The following CCDC91 variants were observed in gnomAD, a reference collection of about 807,000 sequenced individuals.
The protein encoded by CCDC91 is coiled-coil domain containing 91, also known as coiled-coil domain-containing protein 91.
CCDC91 carries 48 observed loss-of-function variants against 63.2 expected under a neutral mutation model. The observed-to-expected ratio is 0.76, with a 90% CI of 0.60 to 0.97. The LOEUF is 0.97. Among genes scored for constraint, CCDC91 ranks in the 50% least tolerant of loss-of-function variants. The pLI is 0.00. For missense variants in CCDC91, 500 were observed against 494.6 expected, an observed-to-expected ratio of 1.01 and a Z score of -0.10; for synonymous variants, 167 against 165.8, an observed-to-expected ratio of 1.01 and a Z score of -0.06.
At chr12:28,227,564 A>C (rs1944349441) in intron 1 of CCDC91, among the ~76,000 whole-genome samples, 1 of 151,770 alleles carries the variant, frequency 6.6e-6, no homozygotes, top group South Asian at 2.1e-4. Context: ...ATTATTCTAC[A>C]CCTCATCTAC....
At chr12:28,469,286 T>C (rs1950694019) in intron 11 of CCDC91, among the ~76,000 whole-genome samples, 1 of 152,034 alleles carries the variant, frequency 6.6e-6, no homozygotes, top group African/African-American at 2.4e-5. Context: ...CATTTCTATA[T>C]GCTAAATGAA....
At chr12:28,372,177 A>G (rs1944661749) in intron 7 of CCDC91, among the ~76,000 whole-genome samples, 1 of 152,238 alleles carries the variant, frequency 6.6e-6, no homozygotes, top group East Asian at 1.9e-4. Context: ...TGGGTTCTCT[A>G]TTCTGTTACA....
chr12:28,251,277 C>T (rs1946101878), intron 1 of CCDC91, among the ~76,000 whole-genome samples: 1 of 151,794 alleles, frequency 6.6e-6, no homozygotes. Flanking sequence ...CTTTATTAGA[C>T]CTTTTTAGAA....
intron 1 of CCDC91, among the ~76,000 whole-genome samples, chr12:28,237,419 G>T (rs867470389): frequency 1.3e-5 from 2 of 152,130 alleles, no homozygotes; most frequent in Middle Eastern, 3.2e-3. Flanking sequence ...GATTATCTGT[G>T]CGGGTCCTAA....
rs187796304 is a variant in CCDC91 at position 28,248,115 on chromosome 12, G to C, written c.-14-9087G>C. On this transcript the variant is annotated intron_variant, in intron 1 of 12. Coordinates refer to ENST00000536442, the MANE Select transcript of CCDC91 (RefSeq NM_018318.5). ...GATTTTGTGATTGATTTTATATATG[G>C]GGTGAGAGAGAGAAGTATGAGGCAA... 3.1e-4 allele frequency among the ~76,000 whole-genome samples: 47 copies of C among 152,246 alleles called. 1 individual carries two copies. Among genetic ancestry groups the C allele is most frequent in the Admixed American group, 2.6e-4 (4 of 15,288 alleles).
At chr12:28,357,474 TTA>T (rs1454323517) in intron 6 of CCDC91, among the ~76,000 whole-genome samples, 1 of 152,140 alleles carries the variant, frequency 6.6e-6, no homozygotes, top group Non-Finnish European at 1.5e-5. Context: ...CCATGACTAG[TTA>T]TATGTCTTTG....
chr12:28,494,216 A>G (rs1045161107), intron 12 of CCDC91, among the ~76,000 whole-genome samples: 4 of 151,750 alleles, frequency 2.6e-5, no homozygotes, highest in Non-Finnish European at 5.9e-5. Flanking sequence ...CATTGAATCT[A>G]TTGGTCGTTA....
intron 6 of CCDC91, among the ~76,000 whole-genome samples, chr12:28,309,729 A>G (rs1023658925): frequency 3.3e-5 from 5 of 152,094 alleles, no homozygotes; most frequent in African/African-American, 1.2e-4. Flanking sequence ...TGGTATTTAC[A>G]TGAGTCAGAT....
rs1593028170 is a variant in CCDC91, at chr12:28,549,044, C to G, written c.1216-19C>G. 1 of 1,526,238 alleles carries G rather than the reference C, an allele frequency of 6.6e-7. No homozygotes were observed. Among genetic ancestry groups the G allele is most frequent in the Admixed American group, 1.7e-5 (1 of 58,584 alleles). 94.5% of individuals were successfully genotyped at this position (1,526,238 alleles called of 1,614,324 possible). ...TATTTTTTTTTCTCTTTCTCTCTCT[C>G]TTTAAAAAAATTAAACAGCTCGATC... On this transcript the variant is annotated intron_variant, in intron 12 of 12. Transcript: ENST00000536442.
intron 1 of CCDC91, among the ~76,000 whole-genome samples, chr12:28,192,579 G>A (rs185316744): frequency 1.3e-5 from 2 of 152,142 alleles, no homozygotes; most frequent in Admixed American, 6.5e-5. Context: ...TTAACTCTTG[G>A]TGTTTATGTA....
intron 3 of CCDC91, among the ~76,000 whole-genome samples, chr12:28,283,567 G>A (rs1473021774): frequency 6.6e-6 from 1 of 151,980 alleles, no homozygotes; most frequent in African/African-American, 2.4e-5. Flanking sequence ...GTTAATGGTT[G>A]TGTAAAGGTT....
rs149554938 is a variant in CCDC91, at chr12:28,420,982, T to C, written c.763-29179T>C. The stretch of plus-strand genomic sequence containing the variant: ...ATGTTGCTATGAGTAATTATATCCA[T>C]GTGTTACTTTCCTTTTTTTGCAATT... On this transcript the variant is annotated intron_variant, in intron 8 of 12. Coordinates refer to ENST00000536442, the MANE Select transcript of CCDC91 (RefSeq NM_018318.5). Among the ~76,000 whole-genome samples, 35 of 152,256 alleles carry C rather than the reference T, an allele frequency of 2.3e-4. No individual in the cohort carries two copies. The East Asian group carries it at 5.6e-3, about 24-fold the overall frequency.
At chr12:28,367,780 A>AT (rs879530401) in intron 7 of CCDC91, among the ~76,000 whole-genome samples, 213 of 148,892 alleles carry the variant, frequency 1.4e-3, no homozygotes, top group Middle Eastern at 3.4e-3. Context: ...TTTTGTGAGG[A>AT]TTTTTTTTTT....
intron 1 of CCDC91, among the ~76,000 whole-genome samples, chr12:28,233,068 C>T (rs757665835): frequency 6.6e-6 from 1 of 151,706 alleles, no homozygotes; most frequent in Non-Finnish European, 1.5e-5. Context: ...TTTCCCCAAC[C>T]CTCCATTAAA....
At chr12:28,397,904 C>T (rs1027024704) in intron 8 of CCDC91, among the ~76,000 whole-genome samples, 5 of 152,042 alleles carry the variant, frequency 3.3e-5, no homozygotes, top group East Asian at 1.9e-4. Context: ...CAAAAATAAC[C>T]GATAGCAACC....
chr12:28,411,146 G>A (rs1947293162), intron 8 of CCDC91, among the ~76,000 whole-genome samples: 1 of 151,944 alleles, frequency 6.6e-6, no homozygotes, highest in African/African-American at 2.4e-5. Context: ...GTTCCACTGT[G>A]GTTACTTTTA....
chr12:28,283,655 A>G (rs1354426097), intron 3 of CCDC91, among the ~76,000 whole-genome samples: 2 of 152,148 alleles, frequency 1.3e-5, no homozygotes, highest in Non-Finnish European at 2.9e-5. Context: ...GAATATTTGC[A>G]TATATATAGT....
intron 3 of CCDC91, among the ~76,000 whole-genome samples, chr12:28,282,379 G>C (rs1948666167): frequency 6.6e-6 from 1 of 152,066 alleles, no homozygotes. Context: ...TTTTGTTCCT[G>C]ACTTACTTCA....
intron 1 of CCDC91, among the ~76,000 whole-genome samples, chr12:28,201,413 C>A (rs12897514): frequency 2.2e-5 from 3 of 137,368 alleles, no homozygotes; most frequent in African/African-American, 7.9e-5. Context: ...GAGGCTCTCC[C>A]CACATCTCAG....
Sources: gnomAD v4.1 joint callset for allele counts (sites outside exome capture counted in the v4.1 genomes callset) on GRCh38, gnomAD v4.1.1 for gene constraint, MANE v1.5 for transcripts, NCBI Gene and HGNC (gene_info 2026-07-23, HGNC 2026-07-21) for gene names.